ADIPOR2: variants seen among roughly 807,000 people sequenced by gnomAD.
ADIPOR2 encodes the protein adiponectin receptor protein 2.
Under a neutral mutation model 40.9 loss-of-function variants are expected in ADIPOR2, and 18 were observed. The observed-to-expected ratio is 0.44, with a 90% CI of 0.30 to 0.65. ADIPOR2 has a LOEUF of 0.65. Ranked by LOEUF, ADIPOR2 falls within the 30% of genes least tolerant of loss-of-function variation. The pLI, the probability that ADIPOR2 is intolerant of heterozygous loss-of-function variation, is 0.09. For synonymous variants in ADIPOR2, 165 were observed against 166.4 expected, an observed-to-expected ratio of 0.99 and a Z score of 0.06; for missense variants, 283 against 479.2, an observed-to-expected ratio of 0.59 and a Z score of 3.82.
intron 1 of ADIPOR2, among the ~76,000 whole-genome samples, chr12:1,739,273 A>G (rs944206923): frequency 6.6e-6 from 1 of 152,220 alleles, no homozygotes; most frequent in Non-Finnish European, 1.5e-5. Flanking sequence ...CAATGGGTCA[A>G]GGTCATTATA....
chr12:1,738,951 T>G (rs1565643938), intron 1 of ADIPOR2, among the ~76,000 whole-genome samples: 1 of 152,340 alleles, frequency 6.6e-6, no homozygotes, highest in South Asian at 2.1e-4. Context: ...TTTCAAAGAA[T>G]AACATTTCTT....
intron 1 of ADIPOR2, among the ~76,000 whole-genome samples, chr12:1,750,651 G>A (rs749144724): frequency 2.8e-4 from 42 of 151,902 alleles, no homozygotes; most frequent in Non-Finnish European, 5.2e-4. Context: ...ATTTTTTTTT[G>A]TAGATCCTCA....
chr12:1,717,722 T>A (rs933465930), intron 1 of ADIPOR2, among the ~76,000 whole-genome samples: 3 of 151,186 alleles, frequency 2.0e-5, no homozygotes, highest in African/African-American at 4.9e-5. Flanking sequence ...AAAAAAAAAA[T>A]TCAGCTTCTG....
chr12:1,734,285 T>G (rs2094726149), intron 1 of ADIPOR2, among the ~76,000 whole-genome samples: 2 of 151,780 alleles, frequency 1.3e-5, no homozygotes, highest in South Asian at 4.1e-4. Context: ...GTTTCCTGAC[T>G]TTTTAATGAT....
intron 4 of ADIPOR2, 120 bp downstream of exon 4, chr12:1,778,145 A>G: frequency 8.5e-7 from 1 of 1,174,484 alleles, no homozygotes; most frequent in South Asian, 1.8e-5. Context: ...TTGTTTTCTG[A>G]ATTTCTAATG....
At chr12:1,712,215 G>C (rs1448695603) in intron 1 of ADIPOR2, among the ~76,000 whole-genome samples, 12 of 152,070 alleles carry the variant, frequency 7.9e-5, no homozygotes, top group Admixed American at 7.9e-4. Context: ...ATAATTTGTT[G>C]GCAGTCATGC....
At chr12:1,784,151 A>T in intron 7 of ADIPOR2, 78 bp downstream of exon 7, 3 of 1,411,884 alleles carry the variant, frequency 2.1e-6, no homozygotes, top group Non-Finnish European at 2.8e-6. Context: ...TGCAATAGAA[A>T]AAGTTTTAGA....
chr12:1,723,675 A>G (rs1192489108), intron 1 of ADIPOR2, among the ~76,000 whole-genome samples: 4 of 151,878 alleles, frequency 2.6e-5, no homozygotes, highest in Non-Finnish European at 5.9e-5. Flanking sequence ...CAACAACAAC[A>G]AAAGTGGAAG....
chr12:1,769,740 C>T (rs1017206500), intron 2 of ADIPOR2, among the ~76,000 whole-genome samples: 1 of 152,110 alleles, frequency 6.6e-6, no homozygotes, highest in Admixed American at 6.5e-5. Flanking sequence ...CAGGGTTTCA[C>T]CACGTTGGCC....
intron 2 of ADIPOR2, among the ~76,000 whole-genome samples, chr12:1,755,312 C>T (rs116636830): frequency 0.012 from 1,877 of 152,144 alleles, 38 homozygotes; most frequent in African/African-American, 0.044. Flanking sequence ...TCTCAACCTC[C>T]TTATCCACCT....
intron 1 of ADIPOR2, among the ~76,000 whole-genome samples, chr12:1,734,078 CGT>C (rs569430480): frequency 5.3e-4 from 81 of 152,224 alleles, no homozygotes; most frequent in African/African-American, 1.5e-3. Context: ...CATACGTTTG[CGT>C]GTGTCTTTAT....
intron 2 of ADIPOR2, among the ~76,000 whole-genome samples, chr12:1,767,680 A>G (rs373166061): frequency 8.2e-4 from 125 of 152,330 alleles, no homozygotes; most frequent in African/African-American, 2.9e-3. Context: ...TACTCCAGTA[A>G]GGGTGAACAC....
chr12:1,732,416 C>A (rs1007153255), intron 1 of ADIPOR2, among the ~76,000 whole-genome samples: 3 of 152,168 alleles, frequency 2.0e-5, no homozygotes, highest in Non-Finnish European at 2.9e-5. Context: ...AATATGTAAT[C>A]TTTTCAGATT....
At chr12:1,765,569 C>T (rs1862358740) in intron 2 of ADIPOR2, among the ~76,000 whole-genome samples, 1 of 152,160 alleles carries the variant, frequency 6.6e-6, no homozygotes, top group Non-Finnish European at 1.5e-5. Flanking sequence ...ATAATTGTTA[C>T]TCTGTCCTTC....
At chr12:1,718,847 A>AG (rs1175770593) in intron 1 of ADIPOR2, among the ~76,000 whole-genome samples, 2 of 152,168 alleles carry the variant, frequency 1.3e-5, no homozygotes, top group African/African-American at 4.8e-5. Context: ...GTGATAAGCT[A>AG]GGACGGGTTC....
chr12:1,784,220 A>G (rs1862784577), intron 7 of ADIPOR2, 147 bp downstream of exon 7: 3 of 870,984 alleles, frequency 3.4e-6, no homozygotes, highest in African/African-American at 1.7e-5. Context: ...TCTCTGGACA[A>G]TAAGTACAAT....
intron 1 of ADIPOR2, among the ~76,000 whole-genome samples, chr12:1,745,700 C>T (rs958239207): frequency 1.3e-5 from 2 of 152,202 alleles, no homozygotes; most frequent in African/African-American, 2.4e-5. Flanking sequence ...TTTTACCATT[C>T]TTCCACTCAA....
In ADIPOR2 at chr12:1,770,153, C is replaced by G. The variant is rs186810810; in HGVS notation, c.172-2689C>G. Among the ~76,000 whole-genome samples, 10 of 152,274 alleles carry G rather than the reference C, an allele frequency of 6.6e-5. No individual in the cohort carries two copies. The East Asian group carries it at 1.9e-3, about 29-fold the overall frequency. ...CCCAGGCTGGTCTCGAGCTCCTGGG[C>G]TCAAGCCATCCTCCTGTCTTGGCCG... On this transcript the variant is annotated intron_variant, in intron 2 of 7. Coordinates refer to ENST00000357103, the MANE Select transcript of ADIPOR2 (RefSeq NM_024551.3).
intron 1 of ADIPOR2, among the ~76,000 whole-genome samples, chr12:1,722,287 G>A (rs1163204162): frequency 6.6e-6 from 1 of 152,184 alleles, no homozygotes; most frequent in African/African-American, 2.4e-5. Context: ...AAGATTGGTG[G>A]TGCAGTTTAC....
Sources: allele counts gnomAD v4.1 joint callset (sites outside exome capture counted in the v4.1 genomes callset), GRCh38; gene constraint gnomAD v4.1.1; transcripts MANE v1.5; gene names NCBI Gene and HGNC (gene_info 2026-07-23, HGNC 2026-07-21).